TLL1: variants seen among roughly 807,000 people sequenced by gnomAD.
TLL1 encodes tolloid-like protein 1.
A neutral mutation model predicts 128.2 loss-of-function variants in TLL1; 49 were observed. That is an observed-to-expected ratio of 0.38 (90% CI 0.30 to 0.48). TLL1 has a LOEUF of 0.48. Ranked by LOEUF, TLL1 falls within the 20% of genes least tolerant of loss-of-function variation. TLL1 has a pLI of 0.96. For missense variants in TLL1, 1,123 were observed against 1,242.0 expected, an observed-to-expected ratio of 0.90 and a Z score of 1.44; for synonymous variants, 454 against 418.8, an observed-to-expected ratio of 1.08 and a Z score of -1.03.
chr4:165,963,049 T>A (rs977321943), intron 1 of TLL1, among the ~76,000 whole-genome samples: 1 of 104,718 alleles, frequency 9.5e-6, no homozygotes, highest in Non-Finnish European at 1.7e-5. Flanking sequence ...AGCGAGGCTC[T>A]GTCTCAAAAA....
intron 18 of TLL1, among the ~76,000 whole-genome samples, chr4:166,087,087 C>G (rs1293565657): frequency 6.6e-6 from 1 of 152,102 alleles, no homozygotes; most frequent in Non-Finnish European, 1.5e-5. Context: ...AGACTCTGAT[C>G]ATTAAATTTG....
intron 1 of TLL1, among the ~76,000 whole-genome samples, chr4:165,936,109 A>C (rs1733746674): frequency 6.6e-6 from 1 of 151,170 alleles, no homozygotes; most frequent in Non-Finnish European, 1.5e-5. Flanking sequence ...ATACTCTATC[A>C]TTCTTTTTAA....
chr4:166,078,149 G>T, intron 18 of TLL1, 119 bp downstream of exon 18: 1 of 1,488,838 alleles, frequency 6.7e-7, no homozygotes, highest in Non-Finnish European at 9.1e-7. Flanking sequence ...AGCTGGAAAA[G>T]ATTTTTTGTC....
At chr4:166,005,082 A>G (rs1159924462) in intron 6 of TLL1, among the ~76,000 whole-genome samples, 8 of 152,072 alleles carry the variant, frequency 5.3e-5, no homozygotes, top group African/African-American at 1.9e-4. Flanking sequence ...TTTAAGAGGA[A>G]TATCATCATG....
intron 13 of TLL1, among the ~76,000 whole-genome samples, chr4:166,055,645 C>T (rs1270106946): frequency 3.9e-5 from 6 of 152,100 alleles, no homozygotes; most frequent in Non-Finnish European, 8.8e-5. Context: ...AGCATTACTC[C>T]CTTTCAGACT....
intron 16 of TLL1, among the ~76,000 whole-genome samples, chr4:166,070,825 A>C (rs1740782291): frequency 1.3e-5 from 2 of 151,922 alleles, no homozygotes; most frequent in Non-Finnish European, 2.9e-5. Context: ...ATGGTTGTTG[A>C]TATTTGCAAA....
At chr4:165,879,195 C>T (rs1730865280) in intron 1 of TLL1, among the ~76,000 whole-genome samples, 1 of 152,044 alleles carries the variant, frequency 6.6e-6, no homozygotes. Context: ...ATTCTCCTGC[C>T]TCAAGCTCCC....
chr4:165,956,930 C>G (rs1315216632), intron 1 of TLL1, among the ~76,000 whole-genome samples: 1 of 152,024 alleles, frequency 6.6e-6, no homozygotes, highest in Admixed American at 6.6e-5. Context: ...GCCCACAGAC[C>G]CTATAAAGCA....
At chr4:165,986,557 C>T (rs1169776943) in intron 1 of TLL1, among the ~76,000 whole-genome samples, 2 of 151,970 alleles carry the variant, frequency 1.3e-5, no homozygotes, top group Non-Finnish European at 2.9e-5. Flanking sequence ...TGGTTTTCTC[C>T]TAAAGCAATT....
intron 20 of TLL1, among the ~76,000 whole-genome samples, chr4:166,100,495 T>C (rs1244624099): frequency 6.6e-6 from 1 of 152,036 alleles, no homozygotes; most frequent in Non-Finnish European, 1.5e-5. Flanking sequence ...ACTTAGAAAA[T>C]GTAACGTATG....
At chr4:166,009,684 A>G (rs1397457204) in intron 7 of TLL1, among the ~76,000 whole-genome samples, 2 of 151,426 alleles carry the variant, frequency 1.3e-5, no homozygotes, top group African/African-American at 4.8e-5. Flanking sequence ...TGTTTCATTC[A>G]CGTTATTTTA....
At chr4:165,893,660 A>G (rs547249800) in intron 1 of TLL1, among the ~76,000 whole-genome samples, 1 of 152,300 alleles carries the variant, frequency 6.6e-6, no homozygotes, top group East Asian at 1.9e-4. Flanking sequence ...AACTACCAAA[A>G]GAAAAAAGAA....
chr4:165,929,809 G>A lies in TLL1; in HGVS notation c.169+55736G>A, dbSNP rs575408678. Among the ~76,000 whole-genome samples, 171 of 152,276 alleles carry A rather than the reference G, an allele frequency of 1.1e-3. 1 individual carries two copies. The highest frequency in any genetic ancestry group is 3.7e-3 in the African/African-American group (153 of 41,556). ...AGAAATCAATCTAATAATACCTGCT[G>A]TTCGTTGCTCAGGACTTCTGAAGTA... On this transcript the variant is annotated intron_variant, in intron 1 of 20. Coordinates refer to ENST00000061240, the MANE Select transcript of TLL1 (RefSeq NM_012464.5).
chr4:165,894,605 A>C (rs986243500), intron 1 of TLL1, among the ~76,000 whole-genome samples: 2 of 152,176 alleles, frequency 1.3e-5, no homozygotes, highest in Non-Finnish European at 2.9e-5. Context: ...GGCAAATAAC[A>C]GATTAATGTA....
At chr4:165,995,595 T>C (rs954261829) in intron 5 of TLL1, among the ~76,000 whole-genome samples, 5 of 152,228 alleles carry the variant, frequency 3.3e-5, no homozygotes, top group African/African-American at 1.2e-4. Context: ...TCACACCTGG[T>C]CTGTTTATAC....
intron 1 of TLL1, among the ~76,000 whole-genome samples, chr4:165,964,866 G>A (rs1735292876): frequency 6.6e-6 from 1 of 152,112 alleles, no homozygotes; most frequent in Non-Finnish European, 1.5e-5. Context: ...AAGCCCAGGT[G>A]TTAGAGGTTA....
In TLL1 at chr4:166,085,882, A is replaced by G. The variant is rs114090333; in HGVS notation, c.2443-5246A>G. Among the ~76,000 whole-genome samples the G allele has an allele frequency of 2.4e-3, 369 of 152,274 alleles. 1 individual carries two copies. The highest frequency in any genetic ancestry group is 4.6e-3 in the Non-Finnish European group (315 of 67,992). ...GAGACAATTTTTTAAATCGTAGTTT[A>G]TGAATTTTGAAAGCCTACTGTACTT... On this transcript the variant is annotated intron_variant, in intron 18 of 20. Coordinates refer to ENST00000061240, the MANE Select transcript of TLL1 (RefSeq NM_012464.5).
chr4:166,017,846 AAGTGC>A (rs1356453946), intron 8 of TLL1, among the ~76,000 whole-genome samples: 1 of 152,138 alleles, frequency 6.6e-6, no homozygotes, highest in African/African-American at 2.4e-5. Flanking sequence ...TCCTTAAATG[AAGTGC>A]ACTCATGACT....
chr4:166,074,909 A>G lies in TLL1; in HGVS notation c.2220A>G (p.Gly740=), dbSNP rs779438233. The part of the protein sequence containing the change: ...DKDECSKDNG[G]CQHECVNTMG... Reference sequence around the variant, plus strand: ...ATGAATGCTCTAAGGATAATGGTGGATGTCAGCACGAATGTGTCAACACGA... The same window carrying G: ...ATGAATGCTCTAAGGATAATGGTGGGTGTCAGCACGAATGTGTCAACACGA... The change falls in exon 17 of 21, where the codon GGA becomes GGG. Residue 740 remains glycine, a synonymous_variant. Coordinates refer to ENST00000061240, the MANE Select transcript of TLL1 (RefSeq NM_012464.5). The G allele has an allele frequency of 2.5e-6, 4 of 1,613,622 alleles. No homozygotes were observed. Among genetic ancestry groups the G allele is most frequent in the Non-Finnish European group, 3.4e-6 (4 of 1,179,644 alleles).
Sources: allele counts gnomAD v4.1 joint callset (sites outside exome capture counted in the v4.1 genomes callset), GRCh38; gene constraint gnomAD v4.1.1; transcripts MANE v1.5; gene names NCBI Gene and HGNC (gene_info 2026-07-23, HGNC 2026-07-21).